INPP4B: variants seen among roughly 807,000 people sequenced by gnomAD.
INPP4B encodes inositol polyphosphate-4-phosphatase type II B.
INPP4B carries 55 observed loss-of-function variants against 122.5 expected under a neutral mutation model. That is an observed-to-expected ratio of 0.45 (90% CI 0.36 to 0.56). INPP4B has a LOEUF of 0.56. INPP4B is among the 20% of genes least tolerant of loss of function. The pLI is 0.00. For synonymous variants in INPP4B, 403 were observed against 388.7 expected (o/e 1.04, Z -0.43); for missense variants, 1,000 against 1,097.7 (o/e 0.91, Z 1.26).
At chr4:142,673,541 C>A (rs1415337624) in intron 2 of INPP4B, among the ~76,000 whole-genome samples, 2 of 152,030 alleles carry the variant, frequency 1.3e-5, no homozygotes, top group Admixed American at 6.6e-5. Flanking sequence ...ACTCTCCCAC[C>A]CAATGTTAAC....
intron 1 of INPP4B, among the ~76,000 whole-genome samples, chr4:142,772,037 T>A (rs1455298432): frequency 6.6e-6 from 1 of 152,080 alleles, no homozygotes; most frequent in African/African-American, 2.4e-5. Context: ...AGTTCTCTGA[T>A]CATGTTAAGT....
chr4:142,178,135 C>G (rs1829172804), intron 15 of INPP4B, among the ~76,000 whole-genome samples: 2 of 152,178 alleles, frequency 1.3e-5, no homozygotes, highest in South Asian at 4.1e-4. Flanking sequence ...CTTTCAACAC[C>G]CAGCTCCTTT....
intron 2 of INPP4B, among the ~76,000 whole-genome samples, chr4:142,573,299 G>C (rs1485557578): frequency 6.6e-6 from 1 of 152,038 alleles, no homozygotes; most frequent in Non-Finnish European, 1.5e-5. Flanking sequence ...GGGACACAGA[G>C]CCAAGCCACA....
chr4:142,199,143 T>C (rs1333763823), intron 14 of INPP4B, among the ~76,000 whole-genome samples: 1 of 152,080 alleles, frequency 6.6e-6, no homozygotes, highest in East Asian at 1.9e-4. Flanking sequence ...GTGAATTTAA[T>C]GTCTTTTTCT....
chr4:142,608,043 C>T (rs1045325095), intron 2 of INPP4B, among the ~76,000 whole-genome samples: 1 of 152,162 alleles, frequency 6.6e-6, no homozygotes, highest in Non-Finnish European at 1.5e-5. Context: ...CATTATCTGA[C>T]ATATTTACTG....
intron 2 of INPP4B, among the ~76,000 whole-genome samples, chr4:142,645,143 T>C (rs1751460848): frequency 6.6e-6 from 1 of 152,128 alleles, no homozygotes; most frequent in Non-Finnish European, 1.5e-5. Flanking sequence ...TGTCTCACAA[T>C]TTAAACAATA....
chr4:142,369,027 A>G lies in INPP4B; in HGVS notation c.372+33911T>C, dbSNP rs111434860. Among the ~76,000 whole-genome samples the G allele has an allele frequency of 7.7e-3, 1,177 of 152,182 alleles. 21 individuals carry two copies. The highest frequency in any genetic ancestry group is 0.026 in the African/African-American group (1,085 of 41,530). ...AGGAGGAGAAGGAGGAAGAAGAGGA[A>G]CTGGGAGGAAGGGTTCAAAAAATGA... On this transcript the variant is annotated intron_variant, in intron 7 of 25. Coordinates refer to ENST00000262992, the MANE Select transcript of INPP4B (RefSeq NM_001101669.3).
intron 14 of INPP4B, chr4:142,202,678 C>T (rs997131304): frequency 1.1e-6 from 1 of 937,764 alleles, no homozygotes; most frequent in Non-Finnish European, 1.3e-6. Context: ...CTGATTTCAC[C>T]TACAGCTTTA....
At position 142,504,250 on chromosome 4, in the gene INPP4B, A is replaced by T. The variant is rs548621340; in HGVS notation, c.-190-41524T>A. ...CTATGAAAGAACAGTTCACAGAGGAAAAAAAGATGCTTAAATTTACCAAGA... is the reference window on the plus strand; with the variant it reads ...CTATGAAAGAACAGTTCACAGAGGATAAAAAGATGCTTAAATTTACCAAGA... On this transcript the variant is annotated intron_variant, in intron 2 of 25. Coordinates refer to ENST00000262992, the MANE Select transcript of INPP4B (RefSeq NM_001101669.3). Among the ~76,000 whole-genome samples the T allele has an allele frequency of 3.9e-4, 59 of 152,196 alleles. 1 individual carries two copies. The South Asian group carries it at 0.012, about 31-fold the overall frequency.
At chr4:142,645,667 G>C (rs1751604084) in intron 2 of INPP4B, among the ~76,000 whole-genome samples, 1 of 152,140 alleles carries the variant, frequency 6.6e-6, no homozygotes, top group Admixed American at 6.6e-5. Flanking sequence ...AAAACAATGA[G>C]ATAAAAGGAG....
intron 7 of INPP4B, among the ~76,000 whole-genome samples, chr4:142,326,010 G>A: frequency 6.6e-6 from 1 of 152,198 alleles, no homozygotes; most frequent in Admixed American, 6.5e-5. Context: ...TACAGGATCT[G>A]CTGAAAATAA....
At chr4:142,660,015 G>A (rs544361756) in intron 2 of INPP4B, among the ~76,000 whole-genome samples, 30 of 152,252 alleles carry the variant, frequency 2.0e-4, no homozygotes, top group African/African-American at 6.7e-4. Context: ...GAGCAGGTGA[G>A]TGTGGCTGAT....
intron 2 of INPP4B, among the ~76,000 whole-genome samples, chr4:142,688,885 A>G (rs1759748079): frequency 1.3e-5 from 2 of 152,220 alleles, no homozygotes; most frequent in Admixed American, 1.3e-4. Context: ...CTCTGCACTC[A>G]ATGGATCAGC....
intron 1 of INPP4B, among the ~76,000 whole-genome samples, chr4:142,843,329 C>T (rs957000956): frequency 2.8e-4 from 42 of 151,848 alleles, no homozygotes; most frequent in Non-Finnish European, 4.4e-5. Context: ...TTAGAGTATG[C>T]TCTAAAGAGC....
intron 2 of INPP4B, among the ~76,000 whole-genome samples, chr4:142,658,225 G>T (rs1467488410): frequency 6.6e-6 from 1 of 152,070 alleles, no homozygotes; most frequent in Admixed American, 6.6e-5. Flanking sequence ...TTCAAAAAAT[G>T]GTTTATAATA....
intron 2 of INPP4B, among the ~76,000 whole-genome samples, chr4:142,717,762 G>T (rs981484062): frequency 1.3e-5 from 2 of 151,874 alleles, no homozygotes; most frequent in East Asian, 3.9e-4. Flanking sequence ...TTGGGGGAGG[G>T]ATAGCATTAG....
At chr4:142,405,618 C>T (rs1177626525) in intron 5 of INPP4B, among the ~76,000 whole-genome samples, 1 of 152,114 alleles carries the variant, frequency 6.6e-6, no homozygotes, top group East Asian at 1.9e-4. Context: ...TCAGAAACCT[C>T]AGTGACTTTA....
At position 142,374,462 on chromosome 4, in the gene INPP4B, G is replaced by A. The variant is rs1055201499; in HGVS notation, c.372+28476C>T. Among the ~76,000 whole-genome samples the A allele has an allele frequency of 4.0e-5, 6 of 151,830 alleles. No homozygotes were observed. In the South Asian group the frequency reaches 1.2e-3, roughly 31 times the overall value. On this transcript the variant is annotated intron_variant, in intron 7 of 25. Coordinates refer to ENST00000262992, the MANE Select transcript of INPP4B (RefSeq NM_001101669.3). ...AAGATTTTTTAGAAGGGGAGAAGTG[G>A]GAGAGAGCTTTCCATATTGCAAATT...
intron 1 of INPP4B, among the ~76,000 whole-genome samples, chr4:142,741,077 T>C (rs1232390931): frequency 2.0e-5 from 3 of 152,074 alleles, no homozygotes; most frequent in Non-Finnish European, 4.4e-5. Context: ...TACAGTCAGA[T>C]AACACAAAAT....
Sources: gnomAD v4.1 joint callset for allele counts (sites outside exome capture counted in the v4.1 genomes callset) on GRCh38, gnomAD v4.1.1 for gene constraint, MANE v1.5 for transcripts, NCBI Gene and HGNC (gene_info 2026-07-23, HGNC 2026-07-21) for gene names.